The following TAFA5 variants were observed in gnomAD, a reference collection of about 807,000 sequenced individuals.
TAFA5 encodes the protein TAFA chemokine like family member 5, also known as chemokine-like protein TAFA-5.
In TAFA5, 6 loss-of-function variants were observed where a neutral mutation model predicts 15.3. That is an observed-to-expected ratio of 0.39 (90% CI 0.21 to 0.77). TAFA5 has a LOEUF of 0.77. Among genes scored for constraint, TAFA5 ranks in the 30% least tolerant of loss-of-function variants. TAFA5 has a pLI of 0.41. For missense variants in TAFA5, 161 were observed against 193.1 expected (o/e 0.83, Z 0.98); for synonymous variants, 103 against 80.7 (o/e 1.28, Z -1.48).
At chr22:48,495,716 G>A (rs971253887) in intron 1 of TAFA5, among the ~76,000 whole-genome samples, 7 of 152,288 alleles carry the variant, frequency 4.6e-5, no homozygotes, top group South Asian at 2.1e-4. Flanking sequence ...ATGTAGCAGC[G>A]TCATCCTCAG....
At chr22:48,690,725 G>C (rs1285384435) in intron 2 of TAFA5, among the ~76,000 whole-genome samples, 2 of 152,190 alleles carry the variant, frequency 1.3e-5, no homozygotes, top group African/African-American at 4.8e-5. Context: ...GGACAGGCCT[G>C]TGTCCCTCAA....
In TAFA5 at chr22:48,723,015, G is replaced by T. The variant is rs554069065; in HGVS notation, c.390+15171G>T. On this transcript the variant is annotated intron_variant, in intron 3 of 3. Coordinates refer to ENST00000402357, the MANE Select transcript of TAFA5 (RefSeq NM_001082967.3). ...AACGCTGGAGAAGCTCGTTCTAGCTGTCTCTAGCCCCAAGGCCGCCCTCTA... is the reference window on the plus strand; with the variant it reads ...AACGCTGGAGAAGCTCGTTCTAGCTTTCTCTAGCCCCAAGGCCGCCCTCTA... Among the ~76,000 whole-genome samples, 7 of 152,298 alleles carry T rather than the reference G, an allele frequency of 4.6e-5. No individual in the cohort carries two copies. In the South Asian group the frequency reaches 1.5e-3, roughly 32 times the overall value.
chr22:48,578,316 C>A (rs1923894377), intron 1 of TAFA5, among the ~76,000 whole-genome samples: 1 of 152,234 alleles, frequency 6.6e-6, no homozygotes, highest in Non-Finnish European at 1.5e-5. Flanking sequence ...ACAAGGGCTT[C>A]CTTTCTGCCT....
chr22:48,732,450 G>A (rs964499207), intron 3 of TAFA5, among the ~76,000 whole-genome samples: 4 of 152,032 alleles, frequency 2.6e-5, no homozygotes, highest in Admixed American at 2.0e-4. Flanking sequence ...TAGAGACGGG[G>A]TTTCACCGTG....
chr22:48,626,326 T>G (rs531885264), intron 1 of TAFA5, among the ~76,000 whole-genome samples: 2 of 152,302 alleles, frequency 1.3e-5, no homozygotes, highest in East Asian at 3.9e-4. Context: ...TGAAGGAGCG[T>G]TCCTGTTGTG....
intron 3 of TAFA5, among the ~76,000 whole-genome samples, chr22:48,734,799 G>A (rs1263632613): frequency 6.6e-6 from 1 of 152,222 alleles, no homozygotes; most frequent in Admixed American, 6.5e-5. Context: ...CAGTGAGGAT[G>A]GGACAGGGTC....
intron 1 of TAFA5, among the ~76,000 whole-genome samples, chr22:48,584,818 C>T (rs879583594): frequency 2.9e-4 from 43 of 150,032 alleles, no homozygotes; most frequent in African/African-American, 9.1e-4. Context: ...ACAGCACACA[C>T]GCATACACAC....
rs71194366 is a variant in TAFA5, at chr22:48,634,120, GCTCA to G, written c.113-12456_113-12453del. ...CCCTTTCCTTGACGTTCACTCACTC[GCTCA>G]CTCACTCACTCACTCACTCATTTAT... On this transcript the variant is annotated intron_variant, in intron 1 of 3. Transcript: ENST00000402357. Among the ~76,000 whole-genome samples, 283 of 150,852 alleles carry G rather than the reference GCTCA, an allele frequency of 1.9e-3. 2 individuals are homozygous for G. In the South Asian group the frequency reaches 0.023, roughly 12 times the overall value.
At chr22:48,620,628 C>CCCCATCCTATCCACCCACCCACCATCT (rs1925770520) in intron 1 of TAFA5, among the ~76,000 whole-genome samples, 1 of 149,202 alleles carries the variant, frequency 6.7e-6, no homozygotes, top group Non-Finnish European at 1.5e-5. Flanking sequence ...ACCCACCATC[C>CCCCATCCTATCCACCCACCCACCATCT]CCCATCCTAT....
chr22:48,602,294 C>T (rs1440897618), intron 1 of TAFA5, among the ~76,000 whole-genome samples: 1 of 152,120 alleles, frequency 6.6e-6, no homozygotes, highest in Non-Finnish European at 1.5e-5. Context: ...TCCGGGGCCA[C>T]CCCCCCACAA....
intron 2 of TAFA5, among the ~76,000 whole-genome samples, chr22:48,668,732 A>G (rs1159686356): frequency 1.3e-5 from 2 of 151,390 alleles, no homozygotes; most frequent in Non-Finnish European, 2.9e-5. Context: ...GTCCCCCAGC[A>G]CTCGGGGCCG....
At chr22:48,564,910 A>C (rs1923359510) in intron 1 of TAFA5, among the ~76,000 whole-genome samples, 1 of 152,218 alleles carries the variant, frequency 6.6e-6, no homozygotes, top group Admixed American at 6.5e-5. Context: ...GTGGCCCTGC[A>C]AAAAAGAGGA....
In TAFA5 at chr22:48,633,825, C is replaced by T. The variant is rs984332755; in HGVS notation, c.113-12772C>T. ...ATGGGAGGAAGCCAGAACGTGGAAACGGTGAAATACTGAGAAATTGAATGT... is the reference window on the plus strand; with the variant it reads ...ATGGGAGGAAGCCAGAACGTGGAAATGGTGAAATACTGAGAAATTGAATGT... On this transcript the variant is annotated intron_variant, in intron 1 of 3. Transcript: ENST00000402357. Among the ~76,000 whole-genome samples, 6 of 152,178 alleles carry T rather than the reference C, an allele frequency of 3.9e-5. No homozygotes were observed. The South Asian group carries it at 6.2e-4, about 16-fold the overall frequency.
At chr22:48,616,491 C>T (rs1260292518) in intron 1 of TAFA5, among the ~76,000 whole-genome samples, 1 of 152,198 alleles carries the variant, frequency 6.6e-6, no homozygotes, top group African/African-American at 2.4e-5. Context: ...AATGCGTCAC[C>T]CGCCCATGCA....
intron 1 of TAFA5, among the ~76,000 whole-genome samples, chr22:48,605,452 A>ATGGTG: frequency 2.5e-5 from 1 of 40,404 alleles, no homozygotes; most frequent in Non-Finnish European, 5.7e-5. Context: ...TGGTGATGGC[A>ATGGTG]ATGGTGATGG....
chr22:48,501,725 C>G (rs1448932329), intron 1 of TAFA5, among the ~76,000 whole-genome samples: 1 of 152,190 alleles, frequency 6.6e-6, no homozygotes, highest in African/African-American at 2.4e-5. Context: ...CTTTCCTGTC[C>G]CCTGGAGGCC....
At chr22:48,683,754 T>C (rs1216231310) in intron 2 of TAFA5, among the ~76,000 whole-genome samples, 1 of 152,230 alleles carries the variant, frequency 6.6e-6, no homozygotes, top group Non-Finnish European at 1.5e-5. Flanking sequence ...TGTTGAATTG[T>C]AATCCCCACA....
At chr22:48,631,031 C>G (rs1926206787) in intron 1 of TAFA5, among the ~76,000 whole-genome samples, 1 of 152,166 alleles carries the variant, frequency 6.6e-6, no homozygotes, top group South Asian at 2.1e-4. Flanking sequence ...CGTGGAGTCC[C>G]TGCAGGAACG....
intron 2 of TAFA5, among the ~76,000 whole-genome samples, chr22:48,704,446 G>A (rs1484366397): frequency 6.6e-6 from 1 of 152,138 alleles, no homozygotes; most frequent in Non-Finnish European, 1.5e-5. Flanking sequence ...GACAAGAAAA[G>A]GGGCCCCGGG....
Sources: allele counts gnomAD v4.1 joint callset (sites outside exome capture counted in the v4.1 genomes callset), GRCh38; gene constraint gnomAD v4.1.1; transcripts MANE v1.5; gene names NCBI Gene and HGNC (gene_info 2026-07-23, HGNC 2026-07-21).